The following FUBP3 variants were observed in gnomAD, a reference collection of about 807,000 sequenced individuals.
FUBP3 encodes far upstream element binding protein 3.
FUBP3 carries 28 observed loss-of-function variants against 85.6 expected under a neutral mutation model. That is an observed-to-expected ratio of 0.33 (90% confidence interval 0.24 to 0.45). FUBP3 has a LOEUF of 0.45. Among genes scored for constraint, FUBP3 ranks in the 20% least tolerant of loss-of-function variants. The probability of loss-of-function intolerance (pLI) is 1.00; values close to 1 mark genes in which losing one functional copy is unlikely to be tolerated. For missense variants in FUBP3, 583 were observed against 755.1 expected, an observed-to-expected ratio of 0.77 and a Z score of 2.67; for synonymous variants, 271 against 271.4, an observed-to-expected ratio of 1.00 and a Z score of 0.01.
rs143211098 is a variant in FUBP3, at chr9:130,592,730, A to T, written c.85-2753A>T. On this transcript the variant is annotated intron_variant, in intron 1 of 18. Coordinates refer to ENST00000319725, the MANE Select transcript of FUBP3 (RefSeq NM_003934.2). ...AGCTACTTTTTTATTTTTTGTAGAG[A>T]TGGGGGTCTTGCTGTGTTGCCCAGG... 6.1e-3 allele frequency among the ~76,000 whole-genome samples: 921 copies of T among 151,950 alleles called. 14 individuals are homozygous for T. The highest frequency in any genetic ancestry group is 0.021 in the African/African-American group (875 of 41,440).
chr9:130,630,251 C>G (rs959440126), intron 12 of FUBP3, among the ~76,000 whole-genome samples: 4 of 152,238 alleles, frequency 2.6e-5, no homozygotes, highest in African/African-American at 9.6e-5. Flanking sequence ...AAGGGCAGTG[C>G]CATCCCTGGC....
Position 130,636,099 on chromosome 9 carries a change from G to A in FUBP3, c.1683G>A (p.Thr561=), listed in dbSNP as rs191378271. ...AGCAGGTCGCTTTCTACGGACAGAC[G>A]TTAGGGCAGGCGCAGGCCCACAGCC... ...YRQQVAFYGQ[T]LGQAQAHSQE... is the part of the protein sequence containing the mutation. Residue 561 remains threonine, a synonymous_variant, in exon 18 of 19, where the codon ACG becomes ACA. Transcript: ENST00000319725. 4.5e-4 allele frequency: 721 copies of A among 1,613,614 alleles called. No homozygotes were observed. The highest frequency in any genetic ancestry group is 2.8e-3 in the Middle Eastern group (17 of 6,062).
rs1286831439 is a variant in FUBP3, at chr9:130,614,307, G to A, written c.366G>A (p.Glu122=). 6.2e-7 allele frequency: 1 copy of A among 1,605,648 alleles called. No homozygotes were observed. Among genetic ancestry groups the A allele is most frequent in the East Asian group, 2.2e-5 (1 of 44,784 alleles). Residue 122 remains glutamate (E), a synonymous_variant, in exon 6 of 19, where the codon GAG becomes GAA. Transcript: ENST00000319725. ...TTATAGAGAGTTCTGGGATTCCAGA[G>A]AGGCCCTGTGTACTTACCGGAACCC... is the stretch of plus-strand genomic sequence containing the variant. ...QIASESSGIP[E]RPCVLTGTPE... is the part of the protein sequence containing the mutation.
intron 1 of FUBP3, among the ~76,000 whole-genome samples, chr9:130,585,752 A>T (rs1830314365): frequency 6.6e-6 from 1 of 152,222 alleles, no homozygotes; most frequent in Non-Finnish European, 1.5e-5. Flanking sequence ...ACGTCAGGAA[A>T]TGTGGAGCTA....
chr9:130,634,830 C>T, intron 17 of FUBP3, 92 bp downstream of exon 17: 1 of 938,328 alleles, frequency 1.1e-6, no homozygotes, highest in Non-Finnish European at 1.7e-6. Context: ...TCTTTTTTCC[C>T]TAATGCCTTC....
At chr9:130,600,018 C>T (rs1442871146) in intron 2 of FUBP3, among the ~76,000 whole-genome samples, 1 of 152,138 alleles carries the variant, frequency 6.6e-6, no homozygotes, top group African/African-American at 2.4e-5. Context: ...AACCTGTCCT[C>T]TTCCTTATCT....
In FUBP3 at chr9:130,623,690, C is replaced by T. The variant is rs201855603; in HGVS notation, c.954C>T (p.Ser318=). Residue 318 remains serine, a synonymous_variant, in exon 11 of 19, where the codon AGC becomes AGT. Transcript: ENST00000319725. ...DRCQHAAHII[S]ELILTAQERD... ...GTCAGCATGCAGCGCATATCATCAG[C>T]GAGCTGATTCTTACAGCCCAGGTGG... 4.4e-5 allele frequency: 71 copies of T among 1,613,000 alleles called. No individual in the cohort carries two copies. The highest frequency in any genetic ancestry group is 1.5e-4 in the African/African-American group (11 of 75,002).
At chr9:130,607,682 G>T (rs964303085) in intron 2 of FUBP3, among the ~76,000 whole-genome samples, 28 of 152,130 alleles carry the variant, frequency 1.8e-4, no homozygotes, top group Non-Finnish European at 7.4e-5. Flanking sequence ...CAGCGCCCCT[G>T]ATCTAACTGC....
In FUBP3 at chr9:130,638,274, G is replaced by C. The variant is rs1275905342; in HGVS notation, c.*1252G>C. ...TGCATGGGGTTTTTAAGAAAACAAA[G>C]TGTTCTTTTTATTTGACTGACAATT... On this transcript the variant is annotated 3_prime_UTR_variant, in exon 19 of 19. Transcript: ENST00000319725. 1 of 152,594 alleles carries C rather than the reference G, an allele frequency of 6.6e-6. No individual in the cohort carries two copies. Among genetic ancestry groups the C allele is most frequent in the African/African-American group, 2.4e-5 (1 of 41,446 alleles). The allele number at this position is 152,594 out of a possible 1,614,324, so 9.5% of individuals were successfully genotyped here.
intron 5 of FUBP3, 132 bp downstream of exon 5, chr9:130,613,159 G>C: frequency 1.6e-6 from 1 of 637,240 alleles, no homozygotes; most frequent in Non-Finnish European, 2.8e-6. Flanking sequence ...TTGGGAGTTG[G>C]ACTCCTAAAT....
intron 12 of FUBP3, among the ~76,000 whole-genome samples, chr9:130,627,201 T>C (rs1280149982): frequency 6.6e-6 from 1 of 152,190 alleles, no homozygotes; most frequent in Non-Finnish European, 1.5e-5. Flanking sequence ...GAAAGGCTAC[T>C]GAGACCAGGG....
At chr9:130,584,426 G>A (rs1017744438) in intron 1 of FUBP3, among the ~76,000 whole-genome samples, 2 of 152,070 alleles carry the variant, frequency 1.3e-5, no homozygotes, top group East Asian at 3.9e-4. Flanking sequence ...TACTCAGGAA[G>A]CTGAGGTGGG....
chr9:130,615,091 A>T (rs1564209823), intron 6 of FUBP3, among the ~76,000 whole-genome samples: 6 of 152,140 alleles, frequency 3.9e-5, no homozygotes. Context: ...TTTCTCAGGG[A>T]GTCTAGATGA....
At chr9:130,590,534 T>C (rs1182278935) in intron 1 of FUBP3, among the ~76,000 whole-genome samples, 1 of 152,216 alleles carries the variant, frequency 6.6e-6, no homozygotes, top group Non-Finnish European at 1.5e-5. Context: ...AGAAAATTGG[T>C]AGCAGAGTCC....
rs916880173 is a variant in FUBP3 at position 130,637,778 on chromosome 9, CTT to C, written c.*758_*759del. ...TTGTTTTTAAAACAAAACAAAAAACCTTTCTCTATTATCTCAGAAATATAAAT... is the reference window on the plus strand; with the variant it reads ...TTGTTTTTAAAACAAAACAAAAAACCTCTCTATTATCTCAGAAATATAAAT... On this transcript the variant is annotated 3_prime_UTR_variant, in exon 19 of 19. Coordinates refer to ENST00000319725, the MANE Select transcript of FUBP3 (RefSeq NM_003934.2). 20 of 152,436 alleles carry C rather than the reference CTT, an allele frequency of 1.3e-4. No homozygotes were observed. Among genetic ancestry groups the C allele is most frequent in the African/African-American group, 4.3e-4 (18 of 41,396 alleles). The allele number at this position is 152,436 out of a possible 1,614,324, so 9.4% of individuals were successfully genotyped here. A position where few individuals can be genotyped will look rare whatever the true frequency, so the allele number is the denominator to read the frequency against.
At chr9:130,619,721 AGT>A (rs1220694079) in intron 8 of FUBP3, among the ~76,000 whole-genome samples, 1 of 152,218 alleles carries the variant, frequency 6.6e-6, no homozygotes, top group Non-Finnish European at 1.5e-5. Context: ...AGACTTGCCA[AGT>A]GTGTGTTTTG....
chr9:130,608,706 T>C (rs988686382), intron 2 of FUBP3, among the ~76,000 whole-genome samples: 1 of 152,270 alleles, frequency 6.6e-6, no homozygotes, highest in African/African-American at 2.4e-5. Context: ...GTCAATATTT[T>C]GGCTGTAGAC....
At chr9:130,634,963 CCCT>C (rs1830361668) in intron 17 of FUBP3, among the ~76,000 whole-genome samples, 1 of 152,208 alleles carries the variant, frequency 6.6e-6, no homozygotes, top group Admixed American at 6.5e-5. Context: ...TCGGCACATC[CCCT>C]CCTCTTTATT....
intron 2 of FUBP3, among the ~76,000 whole-genome samples, chr9:130,599,239 CCA>C (rs1342984851): frequency 6.6e-6 from 1 of 152,000 alleles, no homozygotes; most frequent in African/African-American, 2.4e-5. Flanking sequence ...TTGCAGTGAG[CCA>C]AGATCGCACC....
Sources: gnomAD v4.1 joint callset for allele counts (sites outside exome capture counted in the v4.1 genomes callset) on GRCh38, gnomAD v4.1.1 for gene constraint, MANE v1.5 for transcripts, NCBI Gene and HGNC (gene_info 2026-07-23, HGNC 2026-07-21) for gene names.